Variants in ARL8B observed in about 807,000 individuals in gnomAD.
ARL8B encodes ARF like GTPase 8B, also known as ADP-ribosylation factor-like protein 8B.
A neutral mutation model predicts 30.6 loss-of-function variants in ARL8B; 9 were observed. The ratio of observed to expected loss-of-function variants is 0.29; its 90% CI spans 0.18 to 0.51. ARL8B has a LOEUF of 0.51. ARL8B is among the 20% of genes least tolerant of loss of function. The probability of loss-of-function intolerance (pLI) is 0.97; values close to 1 mark genes in which losing one functional copy is unlikely to be tolerated. For missense variants in ARL8B, 130 were observed against 227.2 expected (o/e 0.57, Z 2.75); for synonymous variants, 74 against 76.0 (o/e 0.97, Z 0.14).
rs1293463314 is a variant in ARL8B at position 5,178,768 on chromosome 3, C to T, written c.*55C>T. 27 of 1,608,202 alleles carry T rather than the reference C, an allele frequency of 1.7e-5. No individual in the cohort carries two copies. The highest frequency in any genetic ancestry group is 2.2e-4 in the Middle Eastern group (1 of 4,598). On this transcript the variant is annotated 3_prime_UTR_variant, in exon 7 of 7. Coordinates refer to ENST00000256496, the MANE Select transcript of ARL8B (RefSeq NM_018184.3). ...TGGCTATAATCCTAGAATTATTGTCCGTTCCTCTGAAGTAATTCCCAGAAT... is the reference window on the plus strand; with the variant it reads ...TGGCTATAATCCTAGAATTATTGTCTGTTCCTCTGAAGTAATTCCCAGAAT...
chr3:5,164,080 G>A (rs889196751), intron 1 of ARL8B, among the ~76,000 whole-genome samples: 1 of 152,168 alleles, frequency 6.6e-6, no homozygotes, highest in Non-Finnish European at 1.5e-5. Context: ...CTGCACATAT[G>A]AAAAGTTGTT....
intron 1 of ARL8B, among the ~76,000 whole-genome samples, chr3:5,133,252 A>AGTGTGACAT (rs1457310872): frequency 2.0e-5 from 3 of 152,216 alleles, no homozygotes; most frequent in Admixed American, 6.5e-5. Context: ...GCCTTGACTG[A>AGTGTGACAT]GTGTGACATT....
chr3:5,122,365 A>G lies in ARL8B; in HGVS notation c.-101A>G, dbSNP rs1376213833. The G allele has an allele frequency of 6.4e-7, 1 of 1,572,026 alleles. No homozygotes were observed. Among genetic ancestry groups the G allele is most frequent in the East Asian group, 2.4e-5 (1 of 42,288 alleles). ...TCCGCCCGTGTCGCGCCGGGGCACC[A>G]AGGAGCCGTTGGAGGGTCCGGGCGG... On this transcript the variant is annotated 5_prime_UTR_variant, in exon 1 of 7. Transcript: ENST00000256496.
At chr3:5,169,724 A>G (rs2054654618) in intron 1 of ARL8B, among the ~76,000 whole-genome samples, 1 of 152,196 alleles carries the variant, frequency 6.6e-6, no homozygotes, top group Non-Finnish European at 1.5e-5. Context: ...TAACTAGTTT[A>G]GATAGAATGA....
At chr3:5,134,054 A>G (rs959258519) in intron 1 of ARL8B, among the ~76,000 whole-genome samples, 2 of 152,210 alleles carry the variant, frequency 1.3e-5, no homozygotes, top group African/African-American at 2.4e-5. Context: ...GTTCAGTGGC[A>G]CAAAAACTGA....
intron 1 of ARL8B, among the ~76,000 whole-genome samples, chr3:5,170,253 A>G (rs1036241731): frequency 4.6e-5 from 7 of 152,236 alleles, no homozygotes; most frequent in African/African-American, 7.2e-5. Flanking sequence ...CTTTTAGCAT[A>G]AGGAAATATG....
intron 1 of ARL8B, among the ~76,000 whole-genome samples, chr3:5,129,801 T>G (rs566598823): frequency 2.0e-5 from 3 of 152,300 alleles, no homozygotes; most frequent in Admixed American, 1.3e-4. Flanking sequence ...GAGGATTACT[T>G]GAAGCCAGGA....
chr3:5,169,164 A>T (rs2054648609), intron 1 of ARL8B, among the ~76,000 whole-genome samples: 1 of 152,178 alleles, frequency 6.6e-6, no homozygotes, highest in Non-Finnish European at 1.5e-5. Flanking sequence ...GTACATTCAC[A>T]TTGTGTAACC....
At chr3:5,174,541 G>C in intron 6 of ARL8B, 127 bp downstream of exon 6, 1 of 630,912 alleles carries the variant, frequency 1.6e-6, no homozygotes. Context: ...GCTTTTGCCT[G>C]AGAAAAAAGA....
At chr3:5,154,650 C>T (rs1282501310) in intron 1 of ARL8B, among the ~76,000 whole-genome samples, 1 of 152,162 alleles carries the variant, frequency 6.6e-6, no homozygotes, top group African/African-American at 2.4e-5. Context: ...TCTTGTAGAA[C>T]TGAAACTCTG....
At chr3:5,139,182 C>G (rs2054351718) in intron 1 of ARL8B, among the ~76,000 whole-genome samples, 2 of 152,100 alleles carry the variant, frequency 1.3e-5, no homozygotes, top group African/African-American at 4.8e-5. Context: ...AATTGTGAGG[C>G]AGAAAAATGT....
chr3:5,169,282 C>G (rs963176201), intron 1 of ARL8B, among the ~76,000 whole-genome samples: 1 of 149,346 alleles, frequency 6.7e-6, no homozygotes, highest in South Asian at 2.1e-4. Context: ...ATTTTAGGTA[C>G]CTCATAAAGT....
intron 1 of ARL8B, among the ~76,000 whole-genome samples, chr3:5,127,958 G>A (rs1301428081): frequency 2.0e-5 from 3 of 148,498 alleles, no homozygotes; most frequent in Non-Finnish European, 4.4e-5. Context: ...GGGAGGCCAA[G>A]GCGGCCGGAT....
chr3:5,169,278 G>T (rs1167492145), intron 1 of ARL8B, among the ~76,000 whole-genome samples: 1 of 150,224 alleles, frequency 6.7e-6, no homozygotes, highest in Non-Finnish European at 1.5e-5. Flanking sequence ...GACTATTTTA[G>T]GTACCTCATA....
At chr3:5,155,200 T>G (rs1256099674) in intron 1 of ARL8B, among the ~76,000 whole-genome samples, 2 of 152,238 alleles carry the variant, frequency 1.3e-5, no homozygotes, top group Non-Finnish European at 2.9e-5. Flanking sequence ...GTTAACAGTT[T>G]TTGTTTTTTC....
chr3:5,163,838 T>C (rs2054602365), intron 1 of ARL8B, among the ~76,000 whole-genome samples: 1 of 152,180 alleles, frequency 6.6e-6, no homozygotes, highest in Non-Finnish European at 1.5e-5. Context: ...CCATTGCACT[T>C]CATCCTGGGC....
chr3:5,164,762 G>C (rs878940152), intron 1 of ARL8B, among the ~76,000 whole-genome samples: 2 of 152,098 alleles, frequency 1.3e-5, no homozygotes, highest in African/African-American at 4.8e-5. Context: ...TTGTCCTTCA[G>C]TACTGGATCC....
At chr3:5,154,474 A>G (rs936952901) in intron 1 of ARL8B, among the ~76,000 whole-genome samples, 2 of 151,726 alleles carry the variant, frequency 1.3e-5, no homozygotes, top group African/African-American at 4.8e-5. Context: ...AGCTGGGACT[A>G]TAGGCATCCA....
intron 1 of ARL8B, among the ~76,000 whole-genome samples, chr3:5,134,237 C>T (rs11712496): frequency 0.11 from 16,057 of 152,168 alleles, 956 homozygotes; most frequent in Non-Finnish European, 0.14. Context: ...GCCAATGTTT[C>T]GGACACAAGG....
Sources: gnomAD v4.1 joint callset for allele counts (sites outside exome capture counted in the v4.1 genomes callset) on GRCh38, gnomAD v4.1.1 for gene constraint, MANE v1.5 for transcripts, NCBI Gene and HGNC (gene_info 2026-07-23, HGNC 2026-07-21) for gene names.